The following DNAH1 variants were observed in gnomAD, a reference collection of about 807,000 sequenced individuals.
The protein encoded by DNAH1 is dynein axonemal heavy chain 1.
DNAH1 carries 327 observed loss-of-function variants against 484.3 expected under a neutral mutation model. The ratio of observed to expected loss-of-function variants is 0.68; its 90% CI spans 0.62 to 0.74. The LOEUF (loss-of-function observed/expected upper bound fraction) is 0.74, where lower values mean the gene tolerates loss of function less well. Among genes scored for constraint, DNAH1 ranks in the 30% least tolerant of loss-of-function variants. DNAH1 has a pLI of 0.00. For synonymous variants in DNAH1, 2,192 were observed against 2,191.9 expected, an observed-to-expected ratio of 1.00 and a Z score of 0.00; for missense variants, 5,052 against 5,546.8, an observed-to-expected ratio of 0.91 and a Z score of 2.83.
chr3:52,339,610 C>T (rs1232168305), intron 8 of DNAH1, among the ~76,000 whole-genome samples: 2 of 152,060 alleles, frequency 1.3e-5, no homozygotes, highest in Non-Finnish European at 1.5e-5. Flanking sequence ...ATGCTCTTGT[C>T]TTCTCAAATG....
rs1703756567 is a variant in DNAH1, at chr3:52,379,740, T to G, written c.7378-165T>G. ...ACCCCATCCTCAGCCAGCCAGCAGT[T>G]GCACTTGCCAGCAGCCCCCACACAC... On this transcript the variant is annotated intron_variant, in intron 47 of 77. Transcript: ENST00000420323. This position sits in a 1 kb window ranked among gnomAD's most constrained non-coding sequence, Gnocchi z 4.4. Among the ~76,000 whole-genome samples, 2 of 152,008 alleles carry G rather than the reference T, an allele frequency of 1.3e-5. No individual in the cohort carries two copies. The highest frequency in any genetic ancestry group is 3.9e-4 in the East Asian group (2 of 5,124).
chr3:52,356,494 T>C (rs1204117967), intron 21 of DNAH1, 120 bp from the exon 22 acceptor site: 2 of 953,184 alleles, frequency 2.1e-6, no homozygotes, highest in Admixed American at 2.3e-5. Context: ...GACACTGGCT[T>C]TGGTGTCCAG....
At chr3:52,374,714 A>G (rs1395200925) in intron 44 of DNAH1, 12 of 1,358,080 alleles carry the variant, frequency 8.8e-6, no homozygotes, top group Non-Finnish European at 9.5e-6. Context: ...GGAACAAGAT[A>G]ATACATGGCT....
chr3:52,366,885 G>A lies in DNAH1; in HGVS notation c.5763G>A (p.Glu1921=), dbSNP rs1390533506. 2 of 1,609,776 alleles carry A rather than the reference G, an allele frequency of 1.2e-6. No individual in the cohort carries two copies. Among genetic ancestry groups the A allele is most frequent in the East Asian group, 2.2e-5 (1 of 44,744 alleles). The stretch of plus-strand genomic sequence containing the variant: ...GGGAGTTTGACCTCCTCACCCATGA[G>A]TGGTGAGTGACCCCCCAGCCTCACC... ...LYGEFDLLTH[E]WTDGIFSSFI... The change falls in exon 36 of 78, where the codon GAG becomes GAA. Residue 1921 remains glutamate, a splice_region_variant and synonymous_variant. Transcript: ENST00000420323.
Position 52,349,050 on chromosome 3 carries a change from C to T in DNAH1, c.2269C>T (p.Leu757=), listed in dbSNP as rs761090972. 1 of 1,612,906 alleles carries T rather than the reference C, an allele frequency of 6.2e-7. No homozygotes were observed. Among genetic ancestry groups the T allele is most frequent in the Non-Finnish European group, 8.5e-7 (1 of 1,179,892 alleles). ...YAKEYRKYLE[L]NNNDIASFLK... ...CAAGGAGTACCGAAAGTACCTGGAG[C>T]TGAACAACAATGACATTGCCTCCTT... The change falls in exon 13 of 78, where the codon CTG becomes TTG. Residue 757 remains leucine, a synonymous_variant. Transcript: ENST00000420323.
intron 7 of DNAH1, 79 bp from the exon 8 acceptor site, chr3:52,332,063 G>T (rs1701573789): frequency 1.3e-6 from 2 of 1,495,274 alleles, no homozygotes; most frequent in Non-Finnish European, 1.8e-6. Context: ...GGCATCCACG[G>T]CACAGCCGGC....
Position 52,384,688 on chromosome 3 carries a change from GC to G in DNAH1, c.8323-93del, listed in dbSNP as rs929144254. ...GAGAGGCATGGAGGTTCCTGCTGTGGCCCCCTCCTCGGCCCAGGTTGCAGTG... is the reference window on the plus strand; with the variant it reads ...GAGAGGCATGGAGGTTCCTGCTGTGGCCCCTCCTCGGCCCAGGTTGCAGTG... On this transcript the variant is annotated intron_variant, in intron 52 of 77. Transcript: ENST00000420323. 18 of 1,279,202 alleles carry G rather than the reference GC, an allele frequency of 1.4e-5. No homozygotes were observed. In the African/African-American group the frequency reaches 2.7e-4, roughly 19 times the overall value. The allele number at this position is 1,279,202 out of a possible 1,614,324, so 79.2% of individuals were successfully genotyped here.
Position 52,398,022 on chromosome 3 carries a change from G to T in DNAH1, c.11959-10G>T, listed in dbSNP as rs763984192. ...AGCCTTGACCCCACAGTATTCCTTTGCCCCTGCAGATAGTGGAGGACGTCA... is the reference window on the plus strand; with the variant it reads ...AGCCTTGACCCCACAGTATTCCTTTTCCCCTGCAGATAGTGGAGGACGTCA... On this transcript the variant is annotated splice_polypyrimidine_tract_variant and intron_variant, in intron 74 of 77. Transcript: ENST00000420323. The T allele has an allele frequency of 6.2e-7, 1 of 1,612,246 alleles. No individual in the cohort carries two copies. The highest frequency in any genetic ancestry group is 1.7e-5 in the Admixed American group (1 of 59,892).
In DNAH1 at chr3:52,368,229, G is replaced by T. The variant is rs1486967243; in HGVS notation, c.5766-512G>T. Among the ~76,000 whole-genome samples the T allele has an allele frequency of 1.3e-5, 2 of 152,202 alleles. No individual in the cohort carries two copies. The highest frequency in any genetic ancestry group is 2.9e-5 in the Non-Finnish European group (2 of 68,038). On this transcript the variant is annotated intron_variant, in intron 36 of 77. Transcript: ENST00000420323. This position sits in a 1 kb window ranked among gnomAD's most constrained non-coding sequence, Gnocchi z 4.4. ...TTAGCAGGGTTCTTTACTGAAACTG[G>T]ATTTTACAAGGACGTGCATATATGG...
At position 52,389,481 on chromosome 3, in the gene DNAH1, C is replaced by G. The variant is rs1243728422; in HGVS notation, c.9516C>G (p.Leu3172=). ...GPFTGQYRTV[L]YDSWVKQLRS... ...CCCAGGGCCAGTACCGCACGGTGCT[C>G]TACGACAGCTGGGTCAAGCAGCTCA... Residue 3172 remains leucine, a synonymous_variant, in exon 60 of 78, where the codon CTC becomes CTG. Coordinates refer to ENST00000420323, the MANE Select transcript of DNAH1 (RefSeq NM_015512.5). 1.9e-6 allele frequency: 3 copies of G among 1,609,180 alleles called. No homozygotes were observed. The Admixed American group carries it at 5.1e-5, about 27-fold the overall frequency.
intron 5 of DNAH1, 23 bp from the exon 6 acceptor site, chr3:52,327,859 A>G (rs772721304): frequency 5.0e-6 from 8 of 1,610,492 alleles, no homozygotes; most frequent in African/African-American, 4.0e-5. Flanking sequence ...GCTTCTTCCC[A>G]ATGTTGGCCT....
chr3:52,340,853 G>T (rs938586893), intron 8 of DNAH1, among the ~76,000 whole-genome samples: 2 of 151,190 alleles, frequency 1.3e-5, no homozygotes, highest in African/African-American at 4.8e-5. Context: ...ACAGCTCACT[G>T]GAGATAGATT....
intron 1 of DNAH1, among the ~76,000 whole-genome samples, chr3:52,320,238 T>C (rs2153222516): frequency 6.6e-6 from 1 of 152,336 alleles, no homozygotes; most frequent in South Asian, 2.1e-4. Flanking sequence ...TCCTCTGTTC[T>C]TTAGGGTACT....
intron 63 of DNAH1, among the ~76,000 whole-genome samples, 183 bp downstream of exon 63, chr3:52,391,786 T>C (rs1481197780): frequency 6.6e-6 from 1 of 152,170 alleles, no homozygotes; most frequent in Non-Finnish European, 1.5e-5. Context: ...TCCTACCCAC[T>C]ACTGTTTCCA....
rs976879335 is a variant in DNAH1 at position 52,376,051 on chromosome 3, G to T, written c.7198+58G>T. The T allele has an allele frequency of 8.2e-6, 13 of 1,594,228 alleles. No homozygotes were observed. The South Asian group carries it at 1.5e-4, about 18-fold the overall frequency. On this transcript the variant is annotated intron_variant, in intron 46 of 77. Transcript: ENST00000420323. ...GGTTCCAGGAGGAGCCCTGGGCTCT[G>T]GTTGGGTGTGTTGAGGCTGCGACCA...
chr3:52,398,402 T>C (rs1704736758), intron 75 of DNAH1, among the ~76,000 whole-genome samples: 1 of 152,160 alleles, frequency 6.6e-6, no homozygotes, highest in Non-Finnish European at 1.5e-5. Context: ...CTGCCTCAGC[T>C]TCCTGAATAG....
Position 52,394,910 on chromosome 3 carries a change from T to G in DNAH1, c.10824-5T>G. On this transcript the variant is annotated splice_region_variant and splice_polypyrimidine_tract_variant and intron_variant, in intron 67 of 77. Transcript: ENST00000420323. ...CTCTCAGGGAGGTGTGGGCCACTGT[T>G]GCAGGGAGCCTTTGCCTGGCATCTG... The G allele has an allele frequency of 6.2e-7, 1 of 1,613,222 alleles. No individual in the cohort carries two copies. The highest frequency in any genetic ancestry group is 8.5e-7 in the Non-Finnish European group (1 of 1,179,626).
upstream of DNAH1, among the ~76,000 whole-genome samples, chr3:52,313,295 A>G (rs1037140673): frequency 6.6e-6 from 1 of 152,250 alleles, no homozygotes; most frequent in Admixed American, 6.5e-5. Context: ...CCTGCCTGCC[A>G]GCTCCCTGAT....
In DNAH1 at chr3:52,396,970, G is replaced by A. The variant is rs1316105322; in HGVS notation, c.11713G>A (p.Asp3905Asn). 4.3e-6 allele frequency: 7 copies of A among 1,613,182 alleles called. No homozygotes were observed. The highest frequency in any genetic ancestry group is 5.1e-6 in the Non-Finnish European group (6 of 1,179,744). ...MNILEDFYNP[D>N]VLSPEHSYSA... ...CATCTTGGAGGACTTCTACAACCCT[G>A]ACGTGCTCTCCCCTGAGCACAGCTA... The change falls in exon 73 of 78, where the codon GAC becomes AAC. Residue 3905 changes from aspartate (D) to asparagine (N), a missense_variant. Around this residue, in one of 4 missense-constraint regions of DNAH1, gnomAD observed 853 missense variants for 899.0 expected, o/e 0.95. Coordinates refer to ENST00000420323, the MANE Select transcript of DNAH1 (RefSeq NM_015512.5).
Sources: gnomAD v4.1 joint callset for allele counts (sites outside exome capture counted in the v4.1 genomes callset) on GRCh38, gnomAD v4.1.1 for gene constraint, gnomAD v4.1.1 regional missense constraint, Gnocchi (gnomAD v3.1) non-coding constraint, MANE v1.5 for transcripts, NCBI Gene and HGNC (gene_info 2026-07-23, HGNC 2026-07-21) for gene names.